GALC: variants seen among roughly 807,000 people sequenced by gnomAD.
GALC encodes the protein galactosylceramidase.
Under a neutral mutation model 91.8 loss-of-function variants are expected in GALC, and 77 were observed. The ratio of observed to expected loss-of-function variants is 0.84; its 90% CI spans 0.70 to 1.01. GALC has a LOEUF of 1.01. GALC is among the 50% of genes least tolerant of loss of function. The pLI is 0.00. For missense variants in GALC, 882 were observed against 855.9 expected (o/e 1.03, Z -0.38); for synonymous variants, 357 against 306.7 (o/e 1.16, Z -1.71).
At position 87,955,289 on chromosome 14, in the gene GALC, CT is replaced by C. The variant is rs527790909; in HGVS notation, c.1162-4542del. On this transcript the variant is annotated intron_variant, in intron 10 of 16. Coordinates refer to ENST00000261304, the MANE Select transcript of GALC (RefSeq NM_000153.4). ...AAGTAAATAAACGATAGGGTTTTTG[CT>C]TTGGATTTTTTATTAAATACATTTT... 14 of 665,478 alleles carry C rather than the reference CT, an allele frequency of 2.1e-5. No individual in the cohort carries two copies. The African/African-American group carries it at 2.2e-4, about 10-fold the overall frequency. 41.2% of individuals were successfully genotyped at this position (665,478 alleles called of 1,614,324 possible).
intron 13 of GALC, among the ~76,000 whole-genome samples, chr14:87,946,427 T>G (rs756482800): frequency 6.6e-6 from 1 of 152,042 alleles, no homozygotes; most frequent in Non-Finnish European, 1.5e-5. Flanking sequence ...CCTCATGCTT[T>G]TCCAAGTGTT....
At chr14:87,984,357 G>A (rs375918264) in intron 5 of GALC, 37 bp downstream of exon 5, 17 of 1,577,560 alleles carry the variant, frequency 1.1e-5, no homozygotes, top group Non-Finnish European at 1.5e-5. Flanking sequence ...ACAAACAAAT[G>A]TCCAAAACTG....
chr14:87,965,781 C>T, intron 8 of GALC, 152 bp from the exon 9 acceptor site: 1 of 789,062 alleles, frequency 1.3e-6, no homozygotes, highest in East Asian at 2.8e-5. Context: ...TATAAGTTGT[C>T]TAAATTTATT....
intron 1 of GALC, chr14:87,989,547 C>G (rs558746818): frequency 6.6e-6 from 1 of 152,324 alleles, no homozygotes; most frequent in Non-Finnish European, 1.5e-5. Flanking sequence ...GTAACCAACA[C>G]TTGCCGAAAC....
At chr14:87,958,501 T>C (rs989799747) in intron 10 of GALC, among the ~76,000 whole-genome samples, 4 of 151,980 alleles carry the variant, frequency 2.6e-5, no homozygotes, top group Non-Finnish European at 5.9e-5. Flanking sequence ...ACCATAAAAT[T>C]TATATAGGAA....
intron 7 of GALC, among the ~76,000 whole-genome samples, chr14:87,971,428 G>T (rs191763004): frequency 3.0e-4 from 45 of 152,260 alleles, no homozygotes; most frequent in South Asian, 6.2e-4. Flanking sequence ...TACTGTAACA[G>T]TTCAAACCAG....
chr14:87,972,699 CTG>C, intron 7 of GALC, among the ~76,000 whole-genome samples: 1 of 151,988 alleles, frequency 6.6e-6, no homozygotes, highest in South Asian at 2.1e-4. Context: ...AGAACAGACA[CTG>C]TGGAAAACAC....
At chr14:87,951,441 C>A (rs1212546638) in intron 10 of GALC, among the ~76,000 whole-genome samples, 1 of 151,910 alleles carries the variant, frequency 6.6e-6, no homozygotes, top group Non-Finnish European at 1.5e-5. Flanking sequence ...GATAGTACAA[C>A]TAGATGGACA....
intron 14 of GALC, among the ~76,000 whole-genome samples, chr14:87,944,000 C>A (rs187899157): frequency 6.6e-6 from 1 of 152,054 alleles, no homozygotes; most frequent in Non-Finnish European, 1.5e-5. Flanking sequence ...TGAAGGCAGG[C>A]CTTTCTTGAC....
intron 16 of GALC, among the ~76,000 whole-genome samples, chr14:87,935,331 C>A (rs1403842149): frequency 6.6e-6 from 1 of 152,072 alleles, no homozygotes; most frequent in Non-Finnish European, 1.5e-5. Context: ...TTAAGGTTTT[C>A]ATTAAGGAGC....
intron 10 of GALC, among the ~76,000 whole-genome samples, chr14:87,962,606 CACACACACACACACACA>C (rs1885854959): frequency 7.1e-6 from 1 of 141,584 alleles, no homozygotes; most frequent in Non-Finnish European, 1.5e-5. Context: ...CACACACACA[CACACACACACACACACA>C]CCATTTTTTT....
In GALC at chr14:87,933,550, T is replaced by C. The variant is rs1884449923; in HGVS notation, c.*1182A>G. 6.4e-6 allele frequency: 1 copy of C among 156,722 alleles called. No individual in the cohort carries two copies. Among genetic ancestry groups the C allele is most frequent in the African/African-American group, 2.4e-5 (1 of 41,646 alleles). 9.7% of individuals were successfully genotyped at this position (156,722 alleles called of 1,614,324 possible). A position where few individuals can be genotyped will look rare whatever the true frequency, so the allele number is the denominator to read the frequency against. On this transcript the variant is annotated 3_prime_UTR_variant, in exon 17 of 17. Transcript: ENST00000261304. ...CTTATTTATTCTAGCACTTATCTTCTTGTCTTCAAAAGCAATGCAAAACTT... is the reference window on the plus strand; with the variant it reads ...CTTATTTATTCTAGCACTTATCTTCCTGTCTTCAAAAGCAATGCAAAACTT...
At chr14:87,984,267 G>C in intron 5 of GALC, 127 bp downstream of exon 5, 1 of 876,688 alleles carries the variant, frequency 1.1e-6, no homozygotes. Context: ...GTTATTATCA[G>C]ACACCATTAG....
chr14:87,956,511 ATG>A (rs112358480), intron 10 of GALC, among the ~76,000 whole-genome samples: 17,044 of 150,812 alleles, frequency 0.11, 1,137 homozygotes, highest in Non-Finnish European at 0.16. Context: ...GTATTTCATG[ATG>A]TGTGTGTGTA....
chr14:87,934,390 G>A lies in GALC; in HGVS notation c.*342C>T, dbSNP rs1884481548. ...ATGATCAAGTTACTGCCATCTACAG[G>A]ACCGCTTGCAAATAAGATGAAGAGA... On this transcript the variant is annotated 3_prime_UTR_variant, in exon 17 of 17. Coordinates refer to ENST00000261304, the MANE Select transcript of GALC (RefSeq NM_000153.4). The A allele has an allele frequency of 3.9e-6, 5 of 1,269,116 alleles. No individual in the cohort carries two copies. Among genetic ancestry groups the A allele is most frequent in the Non-Finnish European group, 5.0e-6 (5 of 999,396 alleles). 78.6% of individuals were successfully genotyped at this position (1,269,116 alleles called of 1,614,324 possible).
Position 87,965,539 on chromosome 14 carries a change from C to A in GALC, c.999G>T (p.Gly333=). 1 of 1,613,314 alleles carries A rather than the reference C, an allele frequency of 6.2e-7. No individual in the cohort carries two copies. Among genetic ancestry groups the A allele is most frequent in the East Asian group, 2.2e-5 (1 of 44,854 alleles). Residue 333 remains glycine, a synonymous_variant, in exon 9 of 17, where the codon GGG becomes GGT. Transcript: ENST00000261304. ...GLMTAQEPWS[G]HYVVESPVWV... is the part of the protein sequence containing the mutation. ...AGACAGGAGATTCTACCACGTAGTG[C>A]CCACTCCATGGCTCCTGGGCCGTCA... is the stretch of plus-strand genomic sequence containing the variant.
Position 87,965,361 on chromosome 14 carries a change from A to C in GALC, c.1033+144T>G. On this transcript the variant is annotated intron_variant, in intron 9 of 16. Coordinates refer to ENST00000261304, the MANE Select transcript of GALC (RefSeq NM_000153.4). The stretch of plus-strand genomic sequence containing the variant: ...GTCTAGTTACCCAAAATATTCTTAT[A>C]AAACACTGGCAAATCTTGCTTAAAA... 6 of 875,536 alleles carry C rather than the reference A, an allele frequency of 6.9e-6. No individual in the cohort carries two copies. In the South Asian group the frequency reaches 8.8e-5, roughly 13 times the overall value. 54.2% of individuals were successfully genotyped at this position (875,536 alleles called of 1,614,324 possible).
chr14:87,974,557 G>A (rs919096667), intron 7 of GALC, among the ~76,000 whole-genome samples: 1 of 152,042 alleles, frequency 6.6e-6, no homozygotes, highest in African/African-American at 2.4e-5. Context: ...GGGTAGCCCT[G>A]AACAGTTCAA....
At chr14:87,974,426 C>T (rs930576963) in intron 7 of GALC, among the ~76,000 whole-genome samples, 6 of 152,066 alleles carry the variant, frequency 3.9e-5, no homozygotes, top group Non-Finnish European at 8.8e-5. Flanking sequence ...TACCAAATAA[C>T]AAAGCAGAAG....
Sources: allele counts gnomAD v4.1 joint callset (sites outside exome capture counted in the v4.1 genomes callset), GRCh38; gene constraint gnomAD v4.1.1; transcripts MANE v1.5; gene names NCBI Gene and HGNC (gene_info 2026-07-23, HGNC 2026-07-21).